The following DNAH7 variants were observed in gnomAD, a reference collection of about 807,000 sequenced individuals.
The protein encoded by DNAH7 is dynein axonemal heavy chain 7, also known as axonemal beta dynein heavy chain 7.
In DNAH7, 397 loss-of-function variants were observed where a neutral mutation model predicts 444.6. The observed-to-expected ratio is 0.89, with a 90% CI of 0.82 to 0.97. The LOEUF (loss-of-function observed/expected upper bound fraction) is 0.97, where lower values mean the gene tolerates loss of function less well. DNAH7 is among the 50% of genes least tolerant of loss of function. DNAH7 has a pLI of 0.00. For synonymous variants in DNAH7, 1,636 were observed against 1,624.4 expected (o/e 1.01, Z -0.17); for missense variants, 4,902 against 4,800.8 (o/e 1.02, Z -0.62).
intron 57 of DNAH7, among the ~76,000 whole-genome samples, chr2:195,793,629 C>T (rs1467628322): frequency 6.6e-6 from 1 of 151,958 alleles, no homozygotes; most frequent in African/African-American, 2.4e-5. Flanking sequence ...TTTTTAGTAC[C>T]CAAGACTTTT....
At chr2:195,902,929 T>C (rs1310240355) in intron 27 of DNAH7, 1 of 152,192 alleles carries the variant, frequency 6.6e-6, no homozygotes, top group Non-Finnish European at 1.5e-5. Flanking sequence ...TTGTTGGTAA[T>C]AGCAGTAAGT....
In DNAH7 at chr2:195,888,319, A is replaced by G. The variant is rs763856547; in HGVS notation, c.5345T>C (p.Ile1782Thr). Residue 1782 changes from isoleucine to threonine, a missense_variant, in exon 33 of 65, where the codon ATA (isoleucine) becomes ACA (threonine). Coordinates refer to ENST00000312428, the MANE Select transcript of DNAH7 (RefSeq NM_018897.3). ...ASVSVIQKEF[I>T]MGLFDRMVPV... is the part of the protein sequence containing the mutation. ...GACCATTCTGTCAAATAAGCCCATT[A>G]TGAATTCCTTTTGAATAACACTGAC... 1.2e-6 allele frequency: 2 copies of G among 1,611,458 alleles called. No homozygotes were observed. Among genetic ancestry groups the G allele is most frequent in the Admixed American group, 3.4e-5 (2 of 59,466 alleles).
chr2:195,818,732 T>C (rs1322230715), intron 49 of DNAH7, among the ~76,000 whole-genome samples: 1 of 152,086 alleles, frequency 6.6e-6, no homozygotes, highest in African/African-American at 2.4e-5. Context: ...CTATAAACCA[T>C]AGTAACTTCC....
rs902182326 is a variant in DNAH7 at position 195,880,851 on chromosome 2, T to C, written c.5961+944A>G. ...AATGTTTTTATGCCTAGGCACTTTA[T>C]TGCCTGGGCTGAAATTGATGAAGGT... On this transcript the variant is annotated intron_variant, in intron 36 of 64. Coordinates refer to ENST00000312428, the MANE Select transcript of DNAH7 (RefSeq NM_018897.3). Among the ~76,000 whole-genome samples the C allele has an allele frequency of 8.5e-5, 13 of 152,354 alleles. 1 individual carries two copies. Among genetic ancestry groups the C allele is most frequent in the African/African-American group, 3.1e-4 (13 of 41,590 alleles).
intron 55 of DNAH7, among the ~76,000 whole-genome samples, chr2:195,797,858 T>C (rs1425003641): frequency 6.6e-6 from 1 of 152,246 alleles, no homozygotes; most frequent in Non-Finnish European, 1.5e-5. Flanking sequence ...CTACATGATC[T>C]GGTCCTTCAC....
At chr2:195,987,252 A>C in intron 13 of DNAH7, 59 bp from the exon 14 acceptor site, 2 of 1,330,940 alleles carry the variant, frequency 1.5e-6, no homozygotes, top group Non-Finnish European at 1.0e-6. Flanking sequence ...AAATTTTCAC[A>C]ATTTTGCCAT....
chr2:195,806,457 T>C (rs1291879819), intron 54 of DNAH7, among the ~76,000 whole-genome samples: 1 of 152,068 alleles, frequency 6.6e-6, no homozygotes, highest in Non-Finnish European at 1.5e-5. Context: ...ACTACAAATA[T>C]GTAAAGGGAG....
At chr2:195,918,414 G>A (rs1318380569) in intron 24 of DNAH7, among the ~76,000 whole-genome samples, 1 of 152,218 alleles carries the variant, frequency 6.6e-6, no homozygotes, top group East Asian at 1.9e-4. Context: ...CAGCAATCAT[G>A]CTCCTAGTTA....
chr2:196,060,928 T>C (rs1698098339), intron 1 of DNAH7, among the ~76,000 whole-genome samples: 1 of 152,210 alleles, frequency 6.6e-6, no homozygotes, highest in Non-Finnish European at 1.5e-5. Flanking sequence ...CTTAAACTTT[T>C]CATTGCCAAT....
intron 12 of DNAH7, among the ~76,000 whole-genome samples, chr2:195,991,237 T>C (rs1693320002): frequency 6.6e-6 from 1 of 152,042 alleles, no homozygotes; most frequent in East Asian, 1.9e-4. Context: ...GGGAGAAATA[T>C]TTCCTTTCTA....
At chr2:195,827,608 G>A (rs562548830) in intron 48 of DNAH7, among the ~76,000 whole-genome samples, 8 of 152,128 alleles carry the variant, frequency 5.3e-5, no homozygotes, top group South Asian at 2.1e-4. Context: ...TTGAGACAGC[G>A]TCTAGCTGTG....
intron 6 of DNAH7, 49 bp downstream of exon 6, chr2:196,027,911 A>C (rs891322131): frequency 1.3e-6 from 2 of 1,539,910 alleles, no homozygotes; most frequent in African/African-American, 1.4e-5. Flanking sequence ...ATTATCTTCA[A>C]GTGTTTCTTT....
At chr2:196,008,039 G>A (rs565639657) in intron 10 of DNAH7, among the ~76,000 whole-genome samples, 1 of 151,894 alleles carries the variant, frequency 6.6e-6, no homozygotes, top group African/African-American at 2.4e-5. Flanking sequence ...AATATACAAA[G>A]AACTCTTAAA....
chr2:195,944,800 T>C (rs538110079), intron 19 of DNAH7, among the ~76,000 whole-genome samples: 16 of 152,198 alleles, frequency 1.1e-4, no homozygotes, highest in African/African-American at 3.9e-4. Context: ...TCTGACCACA[T>C]CTTGAGCAGA....
intron 54 of DNAH7, among the ~76,000 whole-genome samples, chr2:195,804,224 T>C (rs1036307497): frequency 6.6e-6 from 1 of 152,214 alleles, no homozygotes. Flanking sequence ...CATTCAGCAA[T>C]GCTCTTCTTC....
intron 61 of DNAH7, among the ~76,000 whole-genome samples, chr2:195,769,489 T>C (rs1277475821): frequency 1.3e-5 from 2 of 152,064 alleles, no homozygotes; most frequent in Non-Finnish European, 2.9e-5. Context: ...AAAACAACCT[T>C]GACATTAAAC....
intron 63 of DNAH7, among the ~76,000 whole-genome samples, chr2:195,747,137 A>G (rs1285873157): frequency 6.6e-6 from 1 of 152,116 alleles, no homozygotes; most frequent in African/African-American, 2.4e-5. Flanking sequence ...GAAGAATCAA[A>G]TAGACGCAAT....
At chr2:195,879,979 T>C (rs1701283174) in intron 36 of DNAH7, among the ~76,000 whole-genome samples, 1 of 152,196 alleles carries the variant, frequency 6.6e-6, no homozygotes, top group Admixed American at 6.5e-5. Flanking sequence ...TTTTGTTGTA[T>C]TGTTTTAACT....
chr2:195,766,195 A>T (rs1249795698), intron 61 of DNAH7, among the ~76,000 whole-genome samples: 2 of 31,830 alleles, frequency 6.3e-5, no homozygotes, highest in Admixed American at 2.7e-4. Flanking sequence ...TTTTTTTGAG[A>T]CAGAGTCTTG....
Sources: gnomAD v4.1 joint callset for allele counts (sites outside exome capture counted in the v4.1 genomes callset) on GRCh38, gnomAD v4.1.1 for gene constraint, MANE v1.5 for transcripts, NCBI Gene and HGNC (gene_info 2026-07-23, HGNC 2026-07-21) for gene names.